The following C9 variants were observed in gnomAD, a reference collection of about 807,000 sequenced individuals.
C9 encodes the protein complement C9.
In C9, 63 loss-of-function variants were observed where a neutral mutation model predicts 65.4. The observed-to-expected ratio is 0.96, with a 90% confidence interval of 0.79 to 1.19. The LOEUF is 1.19. Ranked by LOEUF, C9 falls within the 50% of genes most tolerant of loss-of-function variation. C9 has a pLI of 0.00. For synonymous variants in C9, 229 were observed against 227.9 expected, an observed-to-expected ratio of 1.00 and a Z score of -0.04; for missense variants, 744 against 670.1, an observed-to-expected ratio of 1.11 and a Z score of -1.22.
chr5:39,350,369 T>C (rs835210), intron 1 of C9, among the ~76,000 whole-genome samples: 9,327 of 152,216 alleles, frequency 0.061, 480 homozygotes, highest in African/African-American at 0.13. Context: ...CACCCTGGCT[T>C]GTCCAAAATC....
intron 5 of C9, among the ~76,000 whole-genome samples, chr5:39,328,781 A>C (rs1753793974): frequency 6.6e-6 from 1 of 152,148 alleles, no homozygotes; most frequent in Non-Finnish European, 1.5e-5. Flanking sequence ...AGAGGGTTAA[A>C]AGTTGGATTT....
At chr5:39,317,113 T>C (rs917784668) in intron 5 of C9, among the ~76,000 whole-genome samples, 4 of 152,228 alleles carry the variant, frequency 2.6e-5, no homozygotes, top group African/African-American at 9.6e-5. Flanking sequence ...TTAAGCTTTT[T>C]TTCATATGTT....
At position 39,343,649 on chromosome 5, in the gene C9, C is replaced by G. The variant is rs545782133; in HGVS notation, c.78-1453G>C. 2.0e-5 allele frequency among the ~76,000 whole-genome samples: 3 copies of G among 152,320 alleles called. No homozygotes were observed. The South Asian group carries it at 6.2e-4, about 32-fold the overall frequency. ...CAGAAACCTCTGCAGACTTAAATGTCCCTGCCTGACAGCTTTGAAGAGAGT... is the reference window on the plus strand; with the variant it reads ...CAGAAACCTCTGCAGACTTAAATGTGCCTGCCTGACAGCTTTGAAGAGAGT... On this transcript the variant is annotated intron_variant, in intron 1 of 10. Transcript: ENST00000263408.
intron 1 of C9, among the ~76,000 whole-genome samples, chr5:39,358,782 G>T (rs1473818908): frequency 6.6e-6 from 1 of 151,706 alleles, no homozygotes; most frequent in African/African-American, 2.4e-5. Context: ...TAAGGAGATC[G>T]AGACCACCCT....
chr5:39,293,580 A>G lies in C9; in HGVS notation c.1417-4629T>C, dbSNP rs574486242. ...GATACATAAAGCAAATATTAGATCTAAAGTGAAACAACAAAATAATATTTG... is the reference window on the plus strand; with the variant it reads ...GATACATAAAGCAAATATTAGATCTGAAGTGAAACAACAAAATAATATTTG... On this transcript the variant is annotated intron_variant, in intron 9 of 10. Transcript: ENST00000263408. Among the ~76,000 whole-genome samples the G allele has an allele frequency of 2.0e-5, 3 of 151,994 alleles. No individual in the cohort carries two copies. The South Asian group carries it at 6.2e-4, about 32-fold the overall frequency.
At chr5:39,330,012 C>T (rs575950944) in intron 5 of C9, among the ~76,000 whole-genome samples, 1 of 152,288 alleles carries the variant, frequency 6.6e-6, no homozygotes, top group East Asian at 1.9e-4. Flanking sequence ...ATGTGGAGGC[C>T]TTAGCCAACC....
intron 9 of C9, among the ~76,000 whole-genome samples, chr5:39,297,839 A>G (rs1159147970): frequency 6.6e-6 from 1 of 151,708 alleles, no homozygotes; most frequent in Non-Finnish European, 1.5e-5. Context: ...CTATCAACTA[A>G]TTGACCTAAC....
chr5:39,352,908 T>C (rs1754349051), intron 1 of C9, among the ~76,000 whole-genome samples: 1 of 152,124 alleles, frequency 6.6e-6, no homozygotes, highest in African/African-American at 2.4e-5. Context: ...CTGTTCCAAT[T>C]GCTGGTACCT....
At chr5:39,356,915 G>A (rs1027125530) in intron 1 of C9, among the ~76,000 whole-genome samples, 1 of 152,140 alleles carries the variant, frequency 6.6e-6, no homozygotes, top group Non-Finnish European at 1.5e-5. Context: ...AGAAGTATTT[G>A]TAAAGCACTT....
Position 39,353,856 on chromosome 5 carries a change from G to A in C9, c.77+10532C>T, listed in dbSNP as rs368963450. Among the ~76,000 whole-genome samples, 11 of 152,116 alleles carry A rather than the reference G, an allele frequency of 7.2e-5. No individual in the cohort carries two copies. The South Asian group carries it at 1.7e-3, about 23-fold the overall frequency. On this transcript the variant is annotated intron_variant, in intron 1 of 10. Transcript: ENST00000263408. ...TGAAACATAATAGGTACTCAGGAAG[G>A]GTTTTTTTTTAAATGAATAATTGAA...
intron 1 of C9, among the ~76,000 whole-genome samples, chr5:39,363,237 A>G (rs1754553169): frequency 2.0e-5 from 3 of 152,208 alleles, no homozygotes; most frequent in Non-Finnish European, 4.4e-5. Context: ...CTTTACAGAT[A>G]ATATGGAAAG....
Sources: allele counts gnomAD v4.1 joint callset (sites outside exome capture counted in the v4.1 genomes callset), GRCh38; gene constraint gnomAD v4.1.1; transcripts MANE v1.5; gene names NCBI Gene and HGNC (gene_info 2026-07-23, HGNC 2026-07-21).